Variants in TMEM156 observed in about 807,000 individuals in gnomAD.
TMEM156 encodes the protein transmembrane protein 156.
In TMEM156, 28 loss-of-function variants were observed where a neutral mutation model predicts 30.5. The ratio of observed to expected loss-of-function variants is 0.92; its 90% CI spans 0.68 to 1.26. The LOEUF (loss-of-function observed/expected upper bound fraction) is 1.26, where lower values mean the gene tolerates loss of function less well. TMEM156 is among the 50% of genes most tolerant of loss of function. The pLI is 0.00. For synonymous variants in TMEM156, 137 were observed against 119.9 expected, an observed-to-expected ratio of 1.14 and a Z score of -0.93; for missense variants, 351 against 340.6, an observed-to-expected ratio of 1.03 and a Z score of -0.24.
chr4:38,970,435 G>C (rs1019392662), intron 6 of TMEM156, among the ~76,000 whole-genome samples: 1 of 152,018 alleles, frequency 6.6e-6, no homozygotes, highest in Non-Finnish European at 1.5e-5. Flanking sequence ...TTACCACAAA[G>C]CACAATAAGT....
chr4:38,990,294 G>A lies in TMEM156; in HGVS notation c.620-1324C>T, dbSNP rs576291470. Among the ~76,000 whole-genome samples the A allele has an allele frequency of 1.4e-4, 22 of 152,306 alleles. No homozygotes were observed. In the South Asian group the frequency reaches 4.2e-3, roughly 29 times the overall value. On this transcript the variant is annotated intron_variant, in intron 3 of 6. Transcript: ENST00000381938. ...TAGGCATTAAGCATTCATTTAGAGA[G>A]GTGGCTAAGTAGAAAAAGGGCAGAG...
intron 3 of TMEM156, among the ~76,000 whole-genome samples, chr4:38,990,828 TG>T: frequency 1.7e-5 from 2 of 119,342 alleles, no homozygotes; most frequent in East Asian, 2.5e-4. Context: ...GTTTGTTTTC[TG>T]GTTTTTTTTT....
Position 38,993,924 on chromosome 4 carries a change from C to A in TMEM156, c.433G>T (p.Val145Leu). Residue 145 changes from valine (V) to leucine (L), a missense_variant, in exon 3 of 7, where the codon GTA becomes TTA. Physicochemically the swap from Val to Leu is conservative, Grantham distance 32. Coordinates refer to ENST00000381938, the MANE Select transcript of TMEM156 (RefSeq NM_024943.3). The stretch of plus-strand genomic sequence containing the variant: ...TCCAAGTGGTCAACCAGAGGAGCTA[C>A]ACTGAAGTTAAAGTGCTGACAAGGT... ...HSPCQHFNFS[V>L]APLVDHLEEY... The A allele has an allele frequency of 6.2e-7, 1 of 1,614,096 alleles. No homozygotes were observed. The highest frequency in any genetic ancestry group is 1.1e-5 in the South Asian group (1 of 91,088).
chr4:39,014,353 G>T (rs1714338438), intron 1 of TMEM156, among the ~76,000 whole-genome samples: 1 of 152,192 alleles, frequency 6.6e-6, no homozygotes, highest in East Asian at 1.9e-4. Flanking sequence ...AGGTTAGGAA[G>T]GGCAGGTAGA....
At chr4:39,029,047 A>G (rs1715369087) in intron 1 of TMEM156, among the ~76,000 whole-genome samples, 1 of 152,162 alleles carries the variant, frequency 6.6e-6, no homozygotes, top group South Asian at 2.1e-4. Context: ...AGAGACTCAG[A>G]TACATTCTTG....
At chr4:39,013,733 AT>A (rs1280523350) in intron 1 of TMEM156, among the ~76,000 whole-genome samples, 8 of 152,170 alleles carry the variant, frequency 5.3e-5, no homozygotes, top group Admixed American at 2.0e-4. Context: ...AAAAGTGTGT[AT>A]TTAAAAAAGC....
At chr4:39,023,617 C>T (rs772755106) in intron 1 of TMEM156, among the ~76,000 whole-genome samples, 16 of 152,006 alleles carry the variant, frequency 1.1e-4, no homozygotes, top group South Asian at 2.1e-4. Context: ...CCAAGGTGGG[C>T]GAATCACTTG....
At chr4:39,004,905 T>C (rs981450622) in intron 1 of TMEM156, among the ~76,000 whole-genome samples, 19 of 152,164 alleles carry the variant, frequency 1.2e-4, no homozygotes, top group African/African-American at 4.3e-4. Flanking sequence ...TAAAAACATA[T>C]GTCCACATGA....
intron 1 of TMEM156, among the ~76,000 whole-genome samples, chr4:39,029,023 A>G (rs1203937572): frequency 6.6e-6 from 1 of 152,170 alleles, no homozygotes. Context: ...GAATATTCCT[A>G]CTAATAATTA....
intron 1 of TMEM156, among the ~76,000 whole-genome samples, chr4:39,020,155 A>G (rs1447647573): frequency 6.6e-6 from 1 of 152,206 alleles, no homozygotes; most frequent in Admixed American, 6.5e-5. Flanking sequence ...TTAAGGTGGA[A>G]TAGTATTATC....
At chr4:39,014,048 A>C (rs1235786304) in intron 1 of TMEM156, among the ~76,000 whole-genome samples, 4 of 152,226 alleles carry the variant, frequency 2.6e-5, no homozygotes, top group African/African-American at 9.6e-5. Context: ...GTATGGCTGC[A>C]TTCCAATAAA....
intron 1 of TMEM156, among the ~76,000 whole-genome samples, chr4:39,030,352 T>C (rs1270672741): frequency 2.0e-5 from 3 of 152,122 alleles, no homozygotes; most frequent in African/African-American, 7.2e-5. Context: ...TTATAAATGA[T>C]GGTTGACTAT....
intron 1 of TMEM156, among the ~76,000 whole-genome samples, chr4:39,012,663 G>A (rs1041146478): frequency 1.3e-5 from 2 of 152,132 alleles, no homozygotes; most frequent in South Asian, 2.1e-4. Context: ...AAAATAGACC[G>A]GGCATGGTGG....
chr4:39,000,939 T>C (rs1713298453), intron 1 of TMEM156, among the ~76,000 whole-genome samples: 1 of 152,008 alleles, frequency 6.6e-6, no homozygotes, highest in South Asian at 2.1e-4. Flanking sequence ...AAAGTAAAAA[T>C]TTTAAATTCA....
chr4:39,031,273 A>G (rs1250013466), intron 1 of TMEM156, among the ~76,000 whole-genome samples: 1 of 152,248 alleles, frequency 6.6e-6, no homozygotes, highest in Non-Finnish European at 1.5e-5. Flanking sequence ...TCCTTTGCTA[A>G]CATCAAAATA....
intron 5 of TMEM156, among the ~76,000 whole-genome samples, chr4:38,975,036 C>T (rs1360849867): frequency 1.3e-5 from 2 of 152,180 alleles, no homozygotes; most frequent in East Asian, 3.9e-4. Context: ...AGGCCATTTC[C>T]AGCAGATATT....
intron 5 of TMEM156, among the ~76,000 whole-genome samples, chr4:38,981,409 C>T (rs1239758079): frequency 6.6e-6 from 1 of 152,174 alleles, no homozygotes. Flanking sequence ...AAATTTCAGC[C>T]AGTGCCACAA....
chr4:38,992,712 TTA>T (rs1470732212), intron 3 of TMEM156, among the ~76,000 whole-genome samples: 23 of 41,076 alleles, frequency 5.6e-4, no homozygotes, highest in South Asian at 1.8e-3. Context: ...TATATATATA[TTA>T]TATATATATA....
chr4:39,017,468 C>T (rs1015860839), intron 1 of TMEM156, among the ~76,000 whole-genome samples: 2 of 151,832 alleles, frequency 1.3e-5, no homozygotes, highest in Non-Finnish European at 1.5e-5. Flanking sequence ...TGTGAGCCAC[C>T]GCACCCAGCC....
Sources: gnomAD v4.1 joint callset for allele counts (sites outside exome capture counted in the v4.1 genomes callset) on GRCh38, gnomAD v4.1.1 for gene constraint, MANE v1.5 for transcripts, NCBI Gene and HGNC (gene_info 2026-07-23, HGNC 2026-07-21) for gene names.